SEMA5A: variants seen among roughly 807,000 people sequenced by gnomAD.
The protein encoded by SEMA5A is semaphorin 5A, also known as semaphorin-5A.
SEMA5A carries 55 observed loss-of-function variants against 135.5 expected under a neutral mutation model. The observed-to-expected ratio is 0.41, with a 90% CI of 0.33 to 0.51. SEMA5A has a LOEUF of 0.51. Ranked by LOEUF, SEMA5A falls within the 20% of genes least tolerant of loss-of-function variation. The pLI is 0.37. For synonymous variants in SEMA5A, 580 were observed against 546.5 expected (o/e 1.06, Z -0.85); for missense variants, 1,290 against 1,419.9 (o/e 0.91, Z 1.47).
At chr5:9,072,588 C>T (rs960186872) in intron 16 of SEMA5A, among the ~76,000 whole-genome samples, 1 of 152,120 alleles carries the variant, frequency 6.6e-6, no homozygotes, top group East Asian at 1.9e-4. Flanking sequence ...AAGAGCAAAA[C>T]CAAAAGACCT....
At chr5:9,294,389 G>A (rs1198152804) in intron 5 of SEMA5A, among the ~76,000 whole-genome samples, 1 of 152,104 alleles carries the variant, frequency 6.6e-6, no homozygotes, top group Non-Finnish European at 1.5e-5. Context: ...GGGGACCCTG[G>A]CCTTCGTTTC....
At chr5:9,234,949 G>C (rs1747820438) in intron 6 of SEMA5A, among the ~76,000 whole-genome samples, 1 of 152,024 alleles carries the variant, frequency 6.6e-6, no homozygotes, top group African/African-American at 2.4e-5. Context: ...TACTTCTCTG[G>C]GTTCAATTTA....
chr5:9,286,711 C>G (rs1209902824), intron 5 of SEMA5A, among the ~76,000 whole-genome samples: 1 of 105,822 alleles, frequency 9.4e-6, no homozygotes, highest in African/African-American at 2.9e-5. Context: ...CCCTTACACA[C>G]ACTTATACAC....
intron 1 of SEMA5A, among the ~76,000 whole-genome samples, chr5:9,473,127 AT>A (rs1191397603): frequency 2.1e-3 from 313 of 147,282 alleles, no homozygotes; most frequent in Middle Eastern, 0.011. Context: ...AATAAAATAT[AT>A]ATATATATAT....
intron 18 of SEMA5A, among the ~76,000 whole-genome samples, chr5:9,060,980 C>T (rs1371059784): frequency 1.3e-5 from 2 of 151,836 alleles, no homozygotes; most frequent in South Asian, 2.1e-4. Flanking sequence ...AATTTCCCAT[C>T]TCTGCTTGTC....
chr5:9,051,727 C>T lies in SEMA5A; in HGVS notation c.2845+146G>A, dbSNP rs114601224. The T allele has an allele frequency of 2.8e-4, 250 of 885,984 alleles. 1 individual carries two copies. Among genetic ancestry groups the T allele is most frequent in the African/African-American group, 2.7e-3 (157 of 59,222 alleles). 54.9% of individuals were successfully genotyped at this position (885,984 alleles called of 1,614,324 possible). ...AAATCTGCAGTTATCTATAGACCTA[C>T]GTTTTAAACACCTTGAAACCATGGG... On this transcript the variant is annotated intron_variant, in intron 20 of 22. Transcript: ENST00000382496.
At chr5:9,355,474 C>G (rs1440103478) in intron 3 of SEMA5A, among the ~76,000 whole-genome samples, 2 of 152,120 alleles carry the variant, frequency 1.3e-5, no homozygotes, top group South Asian at 2.1e-4. Flanking sequence ...ACGTGAGAAA[C>G]TGAGGATAAC....
chr5:9,430,502 G>T (rs936407190), intron 2 of SEMA5A, among the ~76,000 whole-genome samples: 2 of 152,182 alleles, frequency 1.3e-5, no homozygotes, highest in Non-Finnish European at 2.9e-5. Flanking sequence ...TGAACCTTAT[G>T]GGACTCCAGT....
At chr5:9,126,296 G>A (rs763208375) in intron 13 of SEMA5A, among the ~76,000 whole-genome samples, 15 of 152,150 alleles carry the variant, frequency 9.9e-5, no homozygotes, top group South Asian at 4.1e-4. Flanking sequence ...AGTGATACCC[G>A]TCTTATTCCT....
intron 1 of SEMA5A, among the ~76,000 whole-genome samples, chr5:9,500,636 C>A (rs1048626621): frequency 2.6e-5 from 4 of 152,132 alleles, no homozygotes; most frequent in African/African-American, 9.7e-5. Context: ...ACACCCAGTT[C>A]AATTTGCATT....
chr5:9,462,444 A>G (rs763098786), intron 1 of SEMA5A, among the ~76,000 whole-genome samples: 1 of 152,192 alleles, frequency 6.6e-6, no homozygotes, highest in Non-Finnish European at 1.5e-5. Flanking sequence ...AAACAGAATT[A>G]CCATTCAACT....
intron 3 of SEMA5A, among the ~76,000 whole-genome samples, chr5:9,359,393 G>T (rs1754593509): frequency 6.6e-6 from 1 of 152,212 alleles, no homozygotes; most frequent in Non-Finnish European, 1.5e-5. Flanking sequence ...GATTGCTATT[G>T]TGAGGCATTG....
chr5:9,394,593 G>A (rs569062278), intron 2 of SEMA5A, among the ~76,000 whole-genome samples: 116 of 152,288 alleles, frequency 7.6e-4, no homozygotes, highest in Middle Eastern at 3.4e-3. Context: ...ACAAGTCATG[G>A]AAAGAAGCCC....
intron 11 of SEMA5A, among the ~76,000 whole-genome samples, chr5:9,159,211 T>C (rs1000304249): frequency 6.6e-6 from 1 of 152,230 alleles, no homozygotes; most frequent in Non-Finnish European, 1.5e-5. Context: ...TTCTATGAAC[T>C]GGTTAGACAT....
At chr5:9,239,574 T>G (rs568350081) in intron 5 of SEMA5A, among the ~76,000 whole-genome samples, 21 of 152,146 alleles carry the variant, frequency 1.4e-4, no homozygotes, top group Non-Finnish European at 2.9e-4. Context: ...TTTTTGTATT[T>G]AAGTAGATAT....
At chr5:9,202,329 G>A (rs543369475) in intron 8 of SEMA5A, 89 bp from the exon 9 acceptor site, 55 of 1,425,436 alleles carry the variant, frequency 3.9e-5, no homozygotes, top group Admixed American at 1.8e-4. Context: ...CCAAAGAGAC[G>A]TGGTTTTGTT....
intron 5 of SEMA5A, among the ~76,000 whole-genome samples, chr5:9,290,917 A>G (rs1751045145): frequency 6.6e-6 from 1 of 152,166 alleles, no homozygotes. Flanking sequence ...GTAAGTCAAA[A>G]CCCTTCCAAT....
At chr5:9,454,936 T>A (rs914425625) in intron 1 of SEMA5A, among the ~76,000 whole-genome samples, 10 of 152,238 alleles carry the variant, frequency 6.6e-5, no homozygotes, top group African/African-American at 2.2e-4. Flanking sequence ...AGAGATGTAC[T>A]AATAAAGGGA....
intron 21 of SEMA5A, among the ~76,000 whole-genome samples, chr5:9,046,857 G>A (rs983257513): frequency 6.6e-6 from 1 of 152,136 alleles, no homozygotes; most frequent in African/African-American, 2.4e-5. Context: ...ACACATTCCT[G>A]ACCACTGAAG....
Sources: gnomAD v4.1 joint callset for allele counts (sites outside exome capture counted in the v4.1 genomes callset) on GRCh38, gnomAD v4.1.1 for gene constraint, MANE v1.5 for transcripts, NCBI Gene and HGNC (gene_info 2026-07-23, HGNC 2026-07-21) for gene names.